The following SLC6A18 variants were observed in gnomAD, a reference collection of about 807,000 sequenced individuals.
SLC6A18 encodes inactive sodium-dependent neutral amino acid transporter B(0)AT3.
Under a neutral mutation model 62.9 loss-of-function variants are expected in SLC6A18, and 58 were observed. The ratio of observed to expected loss-of-function variants is 0.92; its 90% CI spans 0.75 to 1.15. The LOEUF is 1.15. SLC6A18 is among the 50% of genes most tolerant of loss of function. The pLI is 0.00. For missense variants in SLC6A18, 793 were observed against 836.6 expected, an observed-to-expected ratio of 0.95 and a Z score of 0.64; for synonymous variants, 382 against 365.8, an observed-to-expected ratio of 1.04 and a Z score of -0.51.
At chr5:1,226,036 A>G (rs750756238) in intron 1 of SLC6A18, among the ~76,000 whole-genome samples, 2 of 152,168 alleles carry the variant, frequency 1.3e-5, no homozygotes, top group Non-Finnish European at 2.9e-5. Flanking sequence ...TTTCCTCACC[A>G]CAGCCTTGGT....
At chr5:1,227,082 G>A (rs1430406288) in intron 1 of SLC6A18, among the ~76,000 whole-genome samples, 12 of 89,958 alleles carry the variant, frequency 1.3e-4, no homozygotes, top group African/African-American at 4.2e-4. Context: ...CCCCTTGCCC[G>A]CCGACGCCTT....
chr5:1,236,089 G>T (rs1746876654), intron 4 of SLC6A18, among the ~76,000 whole-genome samples: 1 of 151,992 alleles, frequency 6.6e-6, no homozygotes, highest in Admixed American at 6.6e-5. Context: ...GATATGGTTG[G>T]GTTTAGCTCT....
intron 4 of SLC6A18, among the ~76,000 whole-genome samples, chr5:1,237,423 G>A (rs1012914702): frequency 1.3e-5 from 2 of 152,096 alleles, no homozygotes; most frequent in East Asian, 3.9e-4. Flanking sequence ...GGCAGAAGGG[G>A]TACAGGGTAG....
rs956950476 is a variant in SLC6A18, at chr5:1,243,453, C to T, written c.1132-102C>T. ...GACACCAGGAGGGGTGATGTGCACT[C>T]GTGTCCTCGGCCTGGGAGAGTGTGT... On this transcript the variant is annotated intron_variant, in intron 8 of 11. Coordinates refer to ENST00000324642, the MANE Select transcript of SLC6A18 (RefSeq NM_182632.3). This position sits in a 1 kb window ranked among gnomAD's most constrained non-coding sequence, Gnocchi z 6.5. The T allele has an allele frequency of 5.2e-6, 7 of 1,343,252 alleles. No individual in the cohort carries two copies. The East Asian group carries it at 1.2e-4, about 22-fold the overall frequency. 83.2% of individuals were successfully genotyped at this position (1,343,252 alleles called of 1,614,324 possible). A position where few individuals can be genotyped will look rare whatever the true frequency, so the allele number is the denominator to read the frequency against.
At chr5:1,231,241 A>G (rs894502619) in intron 1 of SLC6A18, among the ~76,000 whole-genome samples, 5 of 152,166 alleles carry the variant, frequency 3.3e-5, no homozygotes, top group African/African-American at 9.6e-5. Flanking sequence ...AGGCACGGCC[A>G]TTCATCTCTA....
At position 1,245,787 on chromosome 5, in the gene SLC6A18, C is replaced by T; in HGVS notation, c.1657-61C>T. Reference sequence around the variant, plus strand: ...CTCTTGCCCCTTGGATTGAGGAGCACGGGGGTCAGCCTCACGGCCCAGGGT... The same window carrying T: ...CTCTTGCCCCTTGGATTGAGGAGCATGGGGGTCAGCCTCACGGCCCAGGGT... On this transcript the variant is annotated intron_variant, in intron 11 of 11. Transcript: ENST00000324642. The T allele has an allele frequency of 5.3e-6, 8 of 1,505,300 alleles. No homozygotes were observed. In the South Asian group the frequency reaches 7.6e-5, roughly 14 times the overall value. The allele number at this position is 1,505,300 out of a possible 1,614,324, so 93.2% of individuals were successfully genotyped here.
intron 3 of SLC6A18, among the ~76,000 whole-genome samples, chr5:1,233,327 A>G (rs573452898): frequency 5.9e-5 from 9 of 152,056 alleles, no homozygotes; most frequent in Non-Finnish European, 1.3e-4. Flanking sequence ...AAAATACAAA[A>G]ATCAGCCAGG....
chr5:1,244,623 T>C lies in SLC6A18; in HGVS notation c.1512T>C (p.Ile504=), dbSNP rs762747174. ...VYGMKRFCDD[I]AWMTGRRPSP... is the part of the protein sequence containing the mutation. ...TCTGGTGCAGGTTCTGCGATGACAT[T>C]GCGTGGATGACCGGGAGGCGGCCCA... The change falls in exon 11 of 12, where the codon ATT becomes ATC. Residue 504 remains isoleucine, a synonymous_variant. Coordinates refer to ENST00000324642, the MANE Select transcript of SLC6A18 (RefSeq NM_182632.3). 2.5e-6 allele frequency: 4 copies of C among 1,602,856 alleles called. No individual in the cohort carries two copies. The highest frequency in any genetic ancestry group is 4.5e-5 in the East Asian group (2 of 44,546).
At position 1,245,863 on chromosome 5, in the gene SLC6A18, C is replaced by G; in HGVS notation, c.1672C>G (p.Arg558Gly). Residue 558 changes from arginine (R) to glycine (G), a missense_variant, in exon 12 of 12, where the codon CGT becomes GGT. By Grantham distance (125) the Arg-to-Gly change is moderately radical. Coordinates refer to ENST00000324642, the MANE Select transcript of SLC6A18 (RefSeq NM_182632.3). ...GGTCCCGCAGGAGCTGTTCCCCTCGCGTCAGGAGAAGCTCTACCCGGGCTG... is the reference window on the plus strand; with the variant it reads ...GGTCCCGCAGGAGCTGTTCCCCTCGGGTCAGGAGAAGCTCTACCCGGGCTG... ...WNPKYELFPSRQEKLYPGWAR... is the reference protein window; with the variant it reads ...WNPKYELFPSGQEKLYPGWAR... 6.2e-7 allele frequency: 1 copy of G among 1,607,870 alleles called. No homozygotes were observed. The highest frequency in any genetic ancestry group is 1.3e-5 in the African/African-American group (1 of 74,924).
rs781723223 is a variant in SLC6A18, at chr5:1,246,125, G to T, written c.*47G>T. On this transcript the variant is annotated 3_prime_UTR_variant, in exon 12 of 12. Coordinates refer to ENST00000324642, the MANE Select transcript of SLC6A18 (RefSeq NM_182632.3). Reference sequence around the variant, plus strand: ...CATGGGCGGGTCTGTGGGGGGGCTTGGCCTGATGGTGGGCGGGGCCCCGCC... The same window carrying T: ...CATGGGCGGGTCTGTGGGGGGGCTTTGCCTGATGGTGGGCGGGGCCCCGCC... 4.0e-6 allele frequency: 6 copies of T among 1,508,028 alleles called. No homozygotes were observed. The South Asian group carries it at 7.5e-5, about 19-fold the overall frequency. 93.4% of individuals were successfully genotyped at this position (1,508,028 alleles called of 1,614,324 possible). A position where few individuals can be genotyped will look rare whatever the true frequency, so the allele number is the denominator to read the frequency against.
rs1206482509 is a variant in SLC6A18, at chr5:1,237,994, C to G, written c.666C>G (p.Ile222Met). The G allele has an allele frequency of 1.2e-6, 2 of 1,614,118 alleles. No homozygotes were observed. The highest frequency in any genetic ancestry group is 1.7e-6 in the Non-Finnish European group (2 of 1,180,030). ...TGTTCCCTTACCTGGTCCTGACCAT[C>G]TTTCTCATCAGAGGGCTGACCCTGC... ...TALFPYLVLTIFLIRGLTLPG... is the reference protein window; with the variant it reads ...TALFPYLVLTMFLIRGLTLPG... The change falls in exon 5 of 12, where the codon ATC becomes ATG. Residue 222 changes from isoleucine (I) to methionine (M), a missense_variant. Ile to Met is a conservative substitution (Grantham distance 10). Transcript: ENST00000324642.
chr5:1,226,985 C>CGATGCCTTGCCCACG, intron 1 of SLC6A18, among the ~76,000 whole-genome samples: 1 of 91,216 alleles, frequency 1.1e-5, no homozygotes, highest in Non-Finnish European at 2.6e-5. Flanking sequence ...CCTTGCCCAC[C>CGATGCCTTGCCCACG]GATGCCTTGC....
In SLC6A18 at chr5:1,245,966, C is replaced by G. The variant is rs566277254; in HGVS notation, c.1775C>G (p.Thr592Ser). 1.2e-6 allele frequency: 2 copies of G among 1,601,528 alleles called. No individual in the cohort carries two copies. The highest frequency in any genetic ancestry group is 2.7e-5 in the African/African-American group (2 of 74,996). The change falls in exon 12 of 12, where the codon ACC (threonine) becomes AGC (serine). Residue 592 changes from threonine to serine, a missense_variant. Physicochemically the swap from Thr to Ser is moderately conservative, Grantham distance 58. Transcript: ENST00000324642. The stretch of plus-strand genomic sequence containing the variant: ...GTGGCCGCGCTTGCTCAGCTGCTCA[C>G]CCGGCGGAGGCGGACGTGGAGGGAC... ...VPVAALAQLLTRRRRTWRDRD... is the reference protein window; with the variant it reads ...VPVAALAQLLSRRRRTWRDRD...
intron 1 of SLC6A18, among the ~76,000 whole-genome samples, chr5:1,228,960 GGACT>G (rs1246896651): frequency 2.6e-5 from 4 of 152,212 alleles, no homozygotes; most frequent in East Asian, 1.9e-4. Flanking sequence ...AAAAATGCAT[GGACT>G]GACTGTCTCT....
intron 3 of SLC6A18, among the ~76,000 whole-genome samples, chr5:1,233,917 AT>A (rs1033769890): frequency 6.6e-6 from 1 of 151,738 alleles, no homozygotes; most frequent in Non-Finnish European, 1.5e-5. Flanking sequence ...AATTTTTTGT[AT>A]TTTTAGTAGA....
chr5:1,233,137 C>T (rs1746779819), intron 3 of SLC6A18, among the ~76,000 whole-genome samples: 1 of 152,224 alleles, frequency 6.6e-6, no homozygotes, highest in African/African-American at 2.4e-5. Flanking sequence ...GGTCCCCTTG[C>T]AGCCATGTGC....
At chr5:1,228,412 T>C (rs530873980) in intron 1 of SLC6A18, among the ~76,000 whole-genome samples, 24 of 152,350 alleles carry the variant, frequency 1.6e-4, no homozygotes, top group Non-Finnish European at 2.8e-4. Flanking sequence ...GTGTCTCTGG[T>C]TGATTCTCAG....
intron 3 of SLC6A18, among the ~76,000 whole-genome samples, chr5:1,233,886 C>A (rs375027137): frequency 9.2e-5 from 14 of 152,144 alleles, no homozygotes; most frequent in African/African-American, 2.9e-4. Flanking sequence ...GGACTACAGG[C>A]GCCTGCCACC....
chr5:1,239,235 C>T (rs1197254063), intron 5 of SLC6A18, among the ~76,000 whole-genome samples: 1 of 152,252 alleles, frequency 6.6e-6, no homozygotes, highest in African/African-American at 2.4e-5. Context: ...GCTCATTCGG[C>T]CACATCCCGG....
Sources: allele counts gnomAD v4.1 joint callset (sites outside exome capture counted in the v4.1 genomes callset), GRCh38; gene constraint gnomAD v4.1.1; non-coding constraint Gnocchi (gnomAD v3.1); transcripts MANE v1.5; gene names NCBI Gene and HGNC (gene_info 2026-07-23, HGNC 2026-07-21).